WWC1: variants seen among roughly 807,000 people sequenced by gnomAD.
WWC1 encodes protein KIBRA.
Under a neutral mutation model 138.4 loss-of-function variants are expected in WWC1, and 55 were observed. The observed-to-expected ratio is 0.40, with a 90% CI of 0.32 to 0.50. The LOEUF (loss-of-function observed/expected upper bound fraction) is 0.50, where lower values mean the gene tolerates loss of function less well. Among genes scored for constraint, WWC1 ranks in the 20% least tolerant of loss-of-function variants. The pLI is 0.72. For missense variants in WWC1, 1,226 were observed against 1,420.4 expected (o/e 0.86, Z 2.20); for synonymous variants, 524 against 564.9 (o/e 0.93, Z 1.03).
At chr5:168,337,463 C>A (rs1011080508) in intron 1 of WWC1, among the ~76,000 whole-genome samples, 1 of 152,114 alleles carries the variant, frequency 6.6e-6, no homozygotes, top group Non-Finnish European at 1.5e-5. Context: ...TGGCTAGGGG[C>A]CAGGGATAGT....
intron 8 of WWC1, among the ~76,000 whole-genome samples, chr5:168,412,861 A>T (rs1780334861): frequency 6.6e-6 from 1 of 152,204 alleles, no homozygotes; most frequent in South Asian, 2.1e-4. Context: ...GTTATATGTA[A>T]ACACTATGCC....
At chr5:168,424,118 T>G in intron 11 of WWC1, 50 bp downstream of exon 11, 17 of 1,510,466 alleles carry the variant, frequency 1.1e-5, no homozygotes, top group Non-Finnish European at 1.4e-5. Flanking sequence ...GGGAAAGAGA[T>G]ACTCTGTGCT....
At chr5:168,330,025 C>A (rs1298960476) in intron 1 of WWC1, among the ~76,000 whole-genome samples, 1 of 152,098 alleles carries the variant, frequency 6.6e-6, no homozygotes, top group Non-Finnish European at 1.5e-5. Flanking sequence ...CATGAGAATC[C>A]CTTGAACCCG....
chr5:168,392,530 T>C (rs1371938952), intron 3 of WWC1, among the ~76,000 whole-genome samples: 1 of 151,910 alleles, frequency 6.6e-6, no homozygotes, highest in Non-Finnish European at 1.5e-5. Context: ...CTACAAAAAA[T>C]TTAAAGAAGA....
chr5:168,403,008 T>TTCTC lies in WWC1; in HGVS notation c.591-3187_591-3186insCTCT, dbSNP rs1421321273. On this transcript the variant is annotated intron_variant, in intron 5 of 22. Coordinates refer to ENST00000265293, the MANE Select transcript of WWC1 (RefSeq NM_015238.3). ...CAGCCAAAAGCTCTGTTGTTTCTTT[T>TTCTC]TCTTTCTTTCTTTCTTTCTTTCTTT... 7.9e-3 allele frequency among the ~76,000 whole-genome samples: 301 copies of TTCTC among 38,124 alleles called. 1 individual carries two copies. The highest frequency in any genetic ancestry group is 0.038 in the South Asian group (49 of 1,290). The allele number at this position is 38,124 out of a possible 152,430, so 25.0% of individuals were successfully genotyped here.
intron 1 of WWC1, among the ~76,000 whole-genome samples, chr5:168,326,625 G>A (rs1334560837): frequency 1.3e-5 from 2 of 151,940 alleles, no homozygotes; most frequent in African/African-American, 2.4e-5. Context: ...TGCAACCTCC[G>A]CCTCCTGTGT....
chr5:168,309,929 A>G (rs1246899372), intron 1 of WWC1, among the ~76,000 whole-genome samples: 2 of 152,108 alleles, frequency 1.3e-5, no homozygotes, highest in African/African-American at 4.8e-5. Flanking sequence ...CGAAAACTGA[A>G]TCCCATTCTG....
rs1245466884 is a variant in WWC1, at chr5:168,321,465, A to T, written c.119+29194A>T. Reference sequence around the variant, plus strand: ...GGCCCAGCTTAAAAGTTAGTTCCTCAAGAAATCATTCTCCAACTCCCTGAA... The same window carrying T: ...GGCCCAGCTTAAAAGTTAGTTCCTCTAGAAATCATTCTCCAACTCCCTGAA... On this transcript the variant is annotated intron_variant, in intron 1 of 22. Transcript: ENST00000265293. Among the ~76,000 whole-genome samples, 3 of 151,980 alleles carry T rather than the reference A, an allele frequency of 2.0e-5. No homozygotes were observed. In the East Asian group the frequency reaches 5.8e-4, roughly 29 times the overall value.
At chr5:168,371,108 A>G (rs1311378761) in intron 1 of WWC1, among the ~76,000 whole-genome samples, 1 of 152,190 alleles carries the variant, frequency 6.6e-6, no homozygotes, top group Admixed American at 6.5e-5. Context: ...TTTGCCTGCA[A>G]ACCCTCAATC....
intron 9 of WWC1, chr5:168,414,806 T>C: frequency 3.0e-6 from 2 of 663,682 alleles, no homozygotes; most frequent in Non-Finnish European, 4.8e-6. Flanking sequence ...TGGTGAATCA[T>C]GCTACCAAAA....
At chr5:168,299,405 G>A (rs1429385336) in intron 1 of WWC1, among the ~76,000 whole-genome samples, 1 of 152,220 alleles carries the variant, frequency 6.6e-6, no homozygotes, top group African/African-American at 2.4e-5. Flanking sequence ...CCTTCTGGGA[G>A]CAGCTGGCTA....
intron 1 of WWC1, among the ~76,000 whole-genome samples, chr5:168,369,295 A>G (rs1229375294): frequency 1.3e-5 from 2 of 152,210 alleles, no homozygotes; most frequent in Admixed American, 6.5e-5. Flanking sequence ...TGTCCTCATT[A>G]TACAGATAAG....
chr5:168,312,067 A>T (rs1771147776), intron 1 of WWC1, among the ~76,000 whole-genome samples: 1 of 151,368 alleles, frequency 6.6e-6, no homozygotes, highest in Non-Finnish European at 1.5e-5. Context: ...AAAATACAAA[A>T]ATTAGCCAGG....
intron 1 of WWC1, among the ~76,000 whole-genome samples, chr5:168,362,491 G>A (rs1186746717): frequency 2.6e-5 from 4 of 152,156 alleles, no homozygotes; most frequent in African/African-American, 7.2e-5. Context: ...GAAAGCAATG[G>A]GGACAAAGTG....
At chr5:168,322,723 G>C (rs975359867) in intron 1 of WWC1, among the ~76,000 whole-genome samples, 1 of 152,136 alleles carries the variant, frequency 6.6e-6, no homozygotes, top group Non-Finnish European at 1.5e-5. Flanking sequence ...GAGACAGGTC[G>C]GTCTGGACCA....
chr5:168,459,233 G>A (rs1043770799), intron 19 of WWC1, among the ~76,000 whole-genome samples: 2 of 128,196 alleles, frequency 1.6e-5, no homozygotes, highest in African/African-American at 2.9e-5. Flanking sequence ...CAGCCTGGGC[G>A]AAAGGAGTGA....
At chr5:168,320,149 C>T (rs1007421852) in intron 1 of WWC1, among the ~76,000 whole-genome samples, 2 of 152,040 alleles carry the variant, frequency 1.3e-5, no homozygotes, top group Non-Finnish European at 2.9e-5. Flanking sequence ...ATTTTCCTGC[C>T]TCAGCCTCCC....
chr5:168,301,311 CACTGAGTCA>C (rs1394801621), intron 1 of WWC1, among the ~76,000 whole-genome samples: 1 of 152,186 alleles, frequency 6.6e-6, no homozygotes, highest in Admixed American at 6.5e-5. Context: ...CATTAGAGGA[CACTGAGTCA>C]AGTCTGGCTT....
rs186035095 is a variant in WWC1, at chr5:168,393,085, A to G, written c.434-4639A>G. Among the ~76,000 whole-genome samples the G allele has an allele frequency of 3.7e-3, 566 of 152,162 alleles. 2 individuals are homozygous for G. The highest frequency in any genetic ancestry group is 6.8e-3 in the Middle Eastern group (2 of 294). Reference sequence around the variant, plus strand: ...AAATGGAGGAAACCTTCTAAAAATCAGAGCAAAAATACAAGATTGAAAATA... The same window carrying G: ...AAATGGAGGAAACCTTCTAAAAATCGGAGCAAAAATACAAGATTGAAAATA... On this transcript the variant is annotated intron_variant, in intron 3 of 22. Coordinates refer to ENST00000265293, the MANE Select transcript of WWC1 (RefSeq NM_015238.3).
Sources: gnomAD v4.1 joint callset for allele counts (sites outside exome capture counted in the v4.1 genomes callset) on GRCh38, gnomAD v4.1.1 for gene constraint, MANE v1.5 for transcripts, NCBI Gene and HGNC (gene_info 2026-07-23, HGNC 2026-07-21) for gene names.